The following MYO1B variants were observed in gnomAD, a reference collection of about 807,000 sequenced individuals.
MYO1B encodes the protein unconventional myosin-Ib.
In MYO1B, 72 loss-of-function variants were observed where a neutral mutation model predicts 159.7. That is an observed-to-expected ratio of 0.45 (90% CI 0.37 to 0.55). The LOEUF (loss-of-function observed/expected upper bound fraction) is 0.55. Among genes scored for constraint, MYO1B ranks in the 20% least tolerant of loss-of-function variants. MYO1B has a pLI of 0.00. For synonymous variants in MYO1B, 468 were observed against 473.8 expected (o/e 0.99, Z 0.16); for missense variants, 1,062 against 1,364.8 (o/e 0.78, Z 3.50).
rs561300308 is a variant in MYO1B, at chr2:191,415,313, A to G, written c.3159+644A>G. Among the ~76,000 whole-genome samples the G allele has an allele frequency of 2.6e-5, 4 of 152,360 alleles. No individual in the cohort carries two copies. In the South Asian group the frequency reaches 8.3e-4, roughly 32 times the overall value. On this transcript the variant is annotated intron_variant, in intron 29 of 30. Transcript: ENST00000392318. ...CATAGTCACTGAATAAACAAAAGTT[A>G]ACAAATATTGATCATATGTAGGGAC... is the stretch of plus-strand genomic sequence containing the variant.
Position 191,390,340 on chromosome 2 carries a change from T to C in MYO1B, c.1830T>C (p.Ala610=), listed in dbSNP as rs1356725311. ...AAGCAGCACACATCTTCAACGAGGC[T>C]CTAGTGTGTCATCAGATCAGGTACC... ...DKKAAHIFNE[A]LVCHQIRYLG... The change falls in exon 18 of 31, where the codon GCT becomes GCC. Residue 610 remains alanine, a synonymous_variant. Coordinates refer to ENST00000392318, the MANE Select transcript of MYO1B (RefSeq NM_001130158.3). 17 of 1,614,214 alleles carry C rather than the reference T, an allele frequency of 1.1e-5. No homozygotes were observed. The highest frequency in any genetic ancestry group is 1.4e-5 in the Non-Finnish European group (17 of 1,180,044).
chr2:191,268,794 T>A (rs1687291806), intron 1 of MYO1B, among the ~76,000 whole-genome samples: 1 of 152,202 alleles, frequency 6.6e-6, no homozygotes. Context: ...CTGTGGTGTC[T>A]GTGTCCTGCT....
chr2:191,311,653 T>C (rs2125862497), intron 3 of MYO1B, among the ~76,000 whole-genome samples: 1 of 152,314 alleles, frequency 6.6e-6, no homozygotes, highest in Admixed American at 6.5e-5. Flanking sequence ...CTCATGTGAA[T>C]AGCATTATGG....
At chr2:191,362,154 C>A in intron 8 of MYO1B, 114 bp from the exon 9 acceptor site, 1 of 710,508 alleles carries the variant, frequency 1.4e-6, no homozygotes, top group Non-Finnish European at 2.4e-6. Flanking sequence ...TCTTTTGATT[C>A]AATACTTAAT....
At chr2:191,411,895 C>A (rs908222145) in intron 27 of MYO1B, among the ~76,000 whole-genome samples, 2 of 152,188 alleles carry the variant, frequency 1.3e-5, no homozygotes, top group African/African-American at 2.4e-5. Flanking sequence ...GTAGATTGTA[C>A]AATTTCAAGC....
At chr2:191,279,380 A>G (rs1687921338) in intron 2 of MYO1B, among the ~76,000 whole-genome samples, 1 of 146,534 alleles carries the variant, frequency 6.8e-6, no homozygotes, top group African/African-American at 2.5e-5. Flanking sequence ...GTTTGTATAT[A>G]TTTGTATGTA....
intron 9 of MYO1B, among the ~76,000 whole-genome samples, chr2:191,363,301 C>T (rs1432862921): frequency 6.6e-6 from 1 of 152,158 alleles, no homozygotes; most frequent in African/African-American, 2.4e-5. Flanking sequence ...CCTCCTGTTA[C>T]CCAGTATCTT....
intron 17 of MYO1B, among the ~76,000 whole-genome samples, chr2:191,389,303 T>C (rs976197134): frequency 6.6e-6 from 1 of 152,184 alleles, no homozygotes; most frequent in African/African-American, 2.4e-5. Context: ...TCATGAATGT[T>C]TAAGTATTAG....
At chr2:191,367,274 G>A (rs547017757) in intron 11 of MYO1B, among the ~76,000 whole-genome samples, 9 of 152,282 alleles carry the variant, frequency 5.9e-5, no homozygotes, top group Non-Finnish European at 1.2e-4. Flanking sequence ...AGGAAGTCAG[G>A]GGTGGCACAT....
At chr2:191,417,042 T>G (rs1324169896) in intron 30 of MYO1B, among the ~76,000 whole-genome samples, 1 of 152,164 alleles carries the variant, frequency 6.6e-6, no homozygotes, top group East Asian at 1.9e-4. Flanking sequence ...TTCAATAGAT[T>G]GTTTACCTGC....
chr2:191,251,819 T>G (rs1012466862), intron 1 of MYO1B, among the ~76,000 whole-genome samples: 1 of 152,108 alleles, frequency 6.6e-6, no homozygotes, highest in African/African-American at 2.4e-5. Flanking sequence ...ATGAAAGCAT[T>G]TTCACATTGC....
At chr2:191,307,729 C>A (rs1417345524) in intron 3 of MYO1B, among the ~76,000 whole-genome samples, 1 of 152,190 alleles carries the variant, frequency 6.6e-6, no homozygotes, top group African/African-American at 2.4e-5. Context: ...GCTTAGTCAA[C>A]CCCACACGTT....
chr2:191,302,968 T>G (rs899956361), intron 3 of MYO1B, among the ~76,000 whole-genome samples: 1 of 152,222 alleles, frequency 6.6e-6, no homozygotes, highest in Non-Finnish European at 1.5e-5. Context: ...CAGGATCACA[T>G]ACCGTTGCCC....
chr2:191,419,030 TTCTG>T (rs1345166251), intron 30 of MYO1B, among the ~76,000 whole-genome samples: 4 of 152,262 alleles, frequency 2.6e-5, no homozygotes, highest in Non-Finnish European at 5.9e-5. Flanking sequence ...TGAAAAATTC[TTCTG>T]TCTATTGATG....
chr2:191,409,250 C>A, intron 26 of MYO1B, 72 bp downstream of exon 26: 1 of 1,471,218 alleles, frequency 6.8e-7, no homozygotes, highest in South Asian at 1.2e-5. Flanking sequence ...CACATAAAAT[C>A]AAAACTGTTA....
chr2:191,384,958 G>T (rs917545110), intron 15 of MYO1B, among the ~76,000 whole-genome samples: 1 of 152,208 alleles, frequency 6.6e-6, no homozygotes, highest in Non-Finnish European at 1.5e-5. Flanking sequence ...GCTTCCCCAG[G>T]GTTTTGTGTG....
rs536445072 is a variant in MYO1B at position 191,364,381 on chromosome 2, A to C, written c.1032+105A>C. 2.3e-5 allele frequency: 20 copies of C among 881,520 alleles called. No individual in the cohort carries two copies. The East Asian group carries it at 4.6e-4, about 20-fold the overall frequency. The allele number at this position is 881,520 out of a possible 1,614,324, so 54.6% of individuals were successfully genotyped here. A position where few individuals can be genotyped will look rare whatever the true frequency, so the allele number is the denominator to read the frequency against. ...GTTTACAGGCTGTTACCTGAATCGT[A>C]CTATGTTCTAGGCATTGGGAACAGA... On this transcript the variant is annotated intron_variant, in intron 11 of 30. Coordinates refer to ENST00000392318, the MANE Select transcript of MYO1B (RefSeq NM_001130158.3).
chr2:191,252,744 C>T (rs1172725138), intron 1 of MYO1B, among the ~76,000 whole-genome samples: 1 of 152,154 alleles, frequency 6.6e-6, no homozygotes, highest in Non-Finnish European at 1.5e-5. Flanking sequence ...AGATATCCGT[C>T]TCTCCAAACC....
rs555457950 is a variant in MYO1B, at chr2:191,261,931, T to G, written c.-9-14956T>G. ...TGACTTGTTTAGGTATGTATCATTT[T>G]TTATGACTTCCAAATTTAACTGACT... On this transcript the variant is annotated intron_variant, in intron 1 of 30. Coordinates refer to ENST00000392318, the MANE Select transcript of MYO1B (RefSeq NM_001130158.3). Among the ~76,000 whole-genome samples the G allele has an allele frequency of 3.3e-5, 5 of 152,338 alleles. No homozygotes were observed. In the East Asian group the frequency reaches 9.6e-4, roughly 29 times the overall value.
Sources: allele counts gnomAD v4.1 joint callset (sites outside exome capture counted in the v4.1 genomes callset), GRCh38; gene constraint gnomAD v4.1.1; transcripts MANE v1.5; gene names NCBI Gene and HGNC (gene_info 2026-07-23, HGNC 2026-07-21).